Variants in DENND1A observed in about 807,000 individuals in gnomAD.
The protein encoded by DENND1A is DENN domain containing 1A, also known as DENN domain-containing protein 1A.
A neutral mutation model predicts 113.7 loss-of-function variants in DENND1A; 51 were observed. The observed-to-expected ratio is 0.45, with a 90% confidence interval of 0.36 to 0.57. DENND1A has a LOEUF of 0.57. Among genes scored for constraint, DENND1A ranks in the 20% least tolerant of loss-of-function variants. DENND1A has a pLI of 0.00. For missense variants in DENND1A, 1,258 were observed against 1,395.9 expected, an observed-to-expected ratio of 0.90 and a Z score of 1.57; for synonymous variants, 565 against 570.8, an observed-to-expected ratio of 0.99 and a Z score of 0.14.
intron 2 of DENND1A, 135 bp downstream of exon 2, chr9:123,878,816 T>C (rs1847898834): frequency 4.0e-6 from 3 of 757,562 alleles, no homozygotes; most frequent in South Asian, 1.8e-5. Context: ...AATGTGAGCA[T>C]GAATAAAAGG....
intron 23 of DENND1A, 80 bp from the exon 24 acceptor site, chr9:123,382,705 G>A: frequency 7.0e-7 from 1 of 1,420,776 alleles, no homozygotes; most frequent in East Asian, 2.4e-5. Context: ...CCACTTCTGT[G>A]TGCTGAATGT....
intron 10 of DENND1A, among the ~76,000 whole-genome samples, chr9:123,620,976 G>GT (rs2060931055): frequency 6.6e-6 from 1 of 152,108 alleles, no homozygotes; most frequent in African/African-American, 2.4e-5. Flanking sequence ...CAGGAATATA[G>GT]TAAGTATTCA....
At chr9:123,902,493 C>T (rs1851838971) in intron 1 of DENND1A, among the ~76,000 whole-genome samples, 1 of 152,070 alleles carries the variant, frequency 6.6e-6, no homozygotes, top group Admixed American at 6.6e-5. Flanking sequence ...GGGATCTGAC[C>T]ATCACTCGCA....
chr9:123,728,105 CAAA>C (rs1184658717), intron 5 of DENND1A, among the ~76,000 whole-genome samples: 2 of 132,846 alleles, frequency 1.5e-5, no homozygotes. Context: ...GACTCTGTCT[CAAA>C]AAAAAAAAAA....
At chr9:123,519,182 C>G (rs1018548755) in intron 13 of DENND1A, among the ~76,000 whole-genome samples, 1 of 152,214 alleles carries the variant, frequency 6.6e-6, no homozygotes, top group Non-Finnish European at 1.5e-5. Flanking sequence ...CTGCTCACCT[C>G]CTGTACAGCG....
intron 5 of DENND1A, among the ~76,000 whole-genome samples, chr9:123,728,580 A>AT (rs1335190319): frequency 6.7e-6 from 1 of 149,778 alleles, no homozygotes; most frequent in Middle Eastern, 3.4e-3. Flanking sequence ...TCACAGTGGG[A>AT]TTTTCTATAG....
chr9:123,446,033 T>G (rs6478615), intron 18 of DENND1A, among the ~76,000 whole-genome samples: 1 of 152,200 alleles, frequency 6.6e-6, no homozygotes. Flanking sequence ...AGTGAGGTCT[T>G]GTAACTTATC....
chr9:123,468,454 A>G (rs1039820347), intron 13 of DENND1A, among the ~76,000 whole-genome samples: 1 of 152,222 alleles, frequency 6.6e-6, no homozygotes, highest in South Asian at 2.1e-4. Flanking sequence ...GCCTGGACCC[A>G]CTTGACAGTC....
chr9:123,787,930 C>A (rs1248662393), intron 3 of DENND1A, among the ~76,000 whole-genome samples: 1 of 152,036 alleles, frequency 6.6e-6, no homozygotes, highest in East Asian at 1.9e-4. Flanking sequence ...CATTATAACA[C>A]TCTGTTTCAG....
At chr9:123,385,516 G>A (rs1415912971) in intron 22 of DENND1A, among the ~76,000 whole-genome samples, 4 of 152,184 alleles carry the variant, frequency 2.6e-5, no homozygotes, top group Admixed American at 1.3e-4. Flanking sequence ...CCTACGTCAG[G>A]CGGAGATGGT....
At chr9:123,478,982 C>A (rs867547274) in intron 13 of DENND1A, among the ~76,000 whole-genome samples, 6 of 152,276 alleles carry the variant, frequency 3.9e-5, no homozygotes, top group Middle Eastern at 3.4e-3. Flanking sequence ...TATTGTACAC[C>A]TATTACAGGC....
intron 19 of DENND1A, among the ~76,000 whole-genome samples, chr9:123,437,463 C>T (rs532055634): frequency 3.9e-5 from 6 of 152,316 alleles, no homozygotes; most frequent in East Asian, 3.9e-4. Flanking sequence ...TGAAGGCAAC[C>T]GTCTCAACGG....
chr9:123,454,980 C>T (rs1366110572), intron 15 of DENND1A, among the ~76,000 whole-genome samples: 1 of 151,866 alleles, frequency 6.6e-6, no homozygotes, highest in East Asian at 1.9e-4. Context: ...CGCCACCACA[C>T]CTGGCTAATT....
At chr9:123,802,939 TG>T (rs1834946033) in intron 2 of DENND1A, among the ~76,000 whole-genome samples, 1 of 152,142 alleles carries the variant, frequency 6.6e-6, no homozygotes, top group African/African-American at 2.4e-5. Context: ...CAACCTCAGG[TG>T]ATCTGCCCTC....
At chr9:123,843,007 C>CGA (rs1384045168) in intron 2 of DENND1A, 2 of 439,850 alleles carry the variant, frequency 4.5e-6, no homozygotes, top group Non-Finnish European at 9.1e-6. Flanking sequence ...CTTCCCCAAG[C>CGA]GAGAGAGATA....
intron 3 of DENND1A, among the ~76,000 whole-genome samples, chr9:123,788,739 G>A (rs10081673): frequency 0.069 from 10,424 of 152,020 alleles, 484 homozygotes; most frequent in African/African-American, 0.13. Context: ...TTTATTAAGA[G>A]CCACATTACC....
At chr9:123,829,931 C>T (rs1839935648) in intron 2 of DENND1A, among the ~76,000 whole-genome samples, 1 of 152,134 alleles carries the variant, frequency 6.6e-6, no homozygotes, top group Non-Finnish European at 1.5e-5. Flanking sequence ...CTCATTTAAA[C>T]ATTGATGTGA....
At chr9:123,927,278 T>C (rs12237685) in intron 1 of DENND1A, among the ~76,000 whole-genome samples, 55,829 of 152,004 alleles carry the variant, frequency 0.37, 12,748 homozygotes, top group African/African-American at 0.65. Context: ...GCTTCACAAT[T>C]ACACACAATA....
At chr9:123,878,203 CAA>C (rs35005889) in intron 2 of DENND1A, among the ~76,000 whole-genome samples, 24,503 of 134,912 alleles carry the variant, frequency 0.18, 3,870 homozygotes, top group African/African-American at 0.43. Flanking sequence ...AACTCCATCT[CAA>C]AAAAAAAAAA....
Sources: gnomAD v4.1 joint callset for allele counts (sites outside exome capture counted in the v4.1 genomes callset) on GRCh38, gnomAD v4.1.1 for gene constraint, MANE v1.5 for transcripts, NCBI Gene and HGNC (gene_info 2026-07-23, HGNC 2026-07-21) for gene names.